Variants in PPM1B observed in about 807,000 individuals in gnomAD.
PPM1B encodes protein phosphatase 1B.
Under a neutral mutation model 43.0 loss-of-function variants are expected in PPM1B, and 22 were observed. That is an observed-to-expected ratio of 0.51 (90% CI 0.37 to 0.73). The LOEUF is 0.73. Among genes scored for constraint, PPM1B ranks in the 30% least tolerant of loss-of-function variants. The pLI is 0.00. For missense variants in PPM1B, 632 were observed against 584.2 expected, an observed-to-expected ratio of 1.08 and a Z score of -0.84; for synonymous variants, 217 against 197.9, an observed-to-expected ratio of 1.10 and a Z score of -0.81.
intron 3 of PPM1B, among the ~76,000 whole-genome samples, chr2:44,216,486 A>G (rs1031477620): frequency 4.6e-5 from 7 of 152,344 alleles, no homozygotes; most frequent in Non-Finnish European, 4.4e-5. Flanking sequence ...CTATGACCCA[A>G]TAAACATCGT....
chr2:44,169,593 C>G (rs1306092850), intron 1 of PPM1B, among the ~76,000 whole-genome samples: 1 of 152,276 alleles, frequency 6.6e-6, no homozygotes, highest in Non-Finnish European at 1.5e-5. Flanking sequence ...CTGCAAGCAT[C>G]TCTTTCACAC....
intron 2 of PPM1B, among the ~76,000 whole-genome samples, chr2:44,208,085 T>A (rs1158292110): frequency 6.6e-6 from 1 of 151,558 alleles, no homozygotes; most frequent in Non-Finnish European, 1.5e-5. Flanking sequence ...AGATGGGGTT[T>A]CACCATGTTA....
chr2:44,207,840 C>T (rs542507171), intron 2 of PPM1B, among the ~76,000 whole-genome samples: 10 of 150,314 alleles, frequency 6.7e-5, no homozygotes, highest in Admixed American at 6.0e-4. Context: ...ACCGAGGCCT[C>T]CCGAAGTGCT....
intron 1 of PPM1B, among the ~76,000 whole-genome samples, chr2:44,198,498 T>C (rs1449762455): frequency 1.3e-5 from 2 of 152,210 alleles, no homozygotes; most frequent in South Asian, 4.1e-4. Flanking sequence ...GATAATTGTT[T>C]GCTTTTTTGA....
At chr2:44,239,890 G>GTTTTTTTTTTTTTTT (rs1197511482) in intron 5 of PPM1B, among the ~76,000 whole-genome samples, 2 of 85,882 alleles carry the variant, frequency 2.3e-5, no homozygotes, top group Non-Finnish European at 2.6e-5. Context: ...TTTTGTTTTT[G>GTTTTTTTTTTTTTTT]TTTTTGTTTT....
chr2:44,197,304 A>T (rs1668709133), intron 1 of PPM1B, among the ~76,000 whole-genome samples: 1 of 152,062 alleles, frequency 6.6e-6, no homozygotes, highest in Admixed American at 6.6e-5. Flanking sequence ...TTTTTTGTAG[A>T]AATGGAGTCT....
intron 1 of PPM1B, among the ~76,000 whole-genome samples, chr2:44,195,154 A>C (rs1031989094): frequency 6.6e-6 from 1 of 151,420 alleles, no homozygotes; most frequent in African/African-American, 2.4e-5. Flanking sequence ...CGGCCTCCCA[A>C]AGTGCTGGGA....
chr2:44,195,780 T>C (rs150554478), intron 1 of PPM1B, among the ~76,000 whole-genome samples: 9 of 152,372 alleles, frequency 5.9e-5, no homozygotes, highest in African/African-American at 1.7e-4. Context: ...TTAGTGACTT[T>C]CTTGTAACCA....
chr2:44,203,134 T>C (rs1171795452), intron 2 of PPM1B, among the ~76,000 whole-genome samples: 1 of 152,168 alleles, frequency 6.6e-6, no homozygotes, highest in Non-Finnish European at 1.5e-5. Context: ...TTTGGTTAAA[T>C]ACCGATTTCT....
chr2:44,205,892 C>G (rs1207321200), intron 2 of PPM1B, among the ~76,000 whole-genome samples: 5 of 152,104 alleles, frequency 3.3e-5, no homozygotes, highest in Non-Finnish European at 7.4e-5. Flanking sequence ...GAAAATGTAA[C>G]CCCCTCAATA....
At chr2:44,178,016 C>A (rs2104007584) in intron 1 of PPM1B, among the ~76,000 whole-genome samples, 1 of 151,404 alleles carries the variant, frequency 6.6e-6, no homozygotes, top group South Asian at 2.1e-4. Flanking sequence ...CTCCCAGGCT[C>A]CAGTGATCCT....
downstream of PPM1B, chr2:44,234,347 T>C (rs765349140): frequency 3.5e-6 from 2 of 565,882 alleles, no homozygotes; most frequent in Non-Finnish European, 4.5e-6. Flanking sequence ...GGTGAAACCC[T>C]GCCTCTACTA....
chr2:44,234,029 C>T, downstream of PPM1B: 1 of 978,710 alleles, frequency 1.0e-6, no homozygotes, highest in Non-Finnish European at 1.2e-6. Context: ...ACATAACCAA[C>T]TTGTTACCTA....
Position 44,169,094 on chromosome 2 carries a change from C to T in PPM1B, c.-195C>T. 5.4e-6 allele frequency: 1 copy of T among 185,542 alleles called. No homozygotes were observed. The highest frequency in any genetic ancestry group is 1.1e-5 in the Non-Finnish European group (1 of 89,400). The allele number at this position is 185,542 out of a possible 1,614,324, so 11.5% of individuals were successfully genotyped here. ...CGGCGCTAGGGTGGAGAGAAGGCGG[C>T]ATCGGCGGCGGCGGCGGCGTGAGGG... is the stretch of plus-strand genomic sequence containing the variant. On this transcript the variant is annotated 5_prime_UTR_variant, in exon 1 of 6. Coordinates refer to ENST00000282412, the MANE Select transcript of PPM1B (RefSeq NM_002706.6).
intron 5 of PPM1B, among the ~76,000 whole-genome samples, chr2:44,224,281 C>A (rs1364418539): frequency 6.6e-6 from 1 of 151,996 alleles, no homozygotes; most frequent in African/African-American, 2.4e-5. Flanking sequence ...TGGTGATACC[C>A]TGCCTCTACT....
At chr2:44,184,593 C>T (rs1668035669) in intron 1 of PPM1B, among the ~76,000 whole-genome samples, 1 of 152,098 alleles carries the variant, frequency 6.6e-6, no homozygotes, top group African/African-American at 2.4e-5. Flanking sequence ...GATCCACCTT[C>T]CTGCAGTATC....
intron 3 of PPM1B, among the ~76,000 whole-genome samples, chr2:44,210,738 C>T (rs1414178161): frequency 6.6e-6 from 1 of 152,088 alleles, no homozygotes; most frequent in Non-Finnish European, 1.5e-5. Context: ...ATATTACTAA[C>T]CTTTTTCCTG....
intron 1 of PPM1B, among the ~76,000 whole-genome samples, chr2:44,183,769 C>T (rs1023135048): frequency 4.6e-5 from 7 of 152,098 alleles, no homozygotes; most frequent in African/African-American, 1.2e-4. Flanking sequence ...GACAGAGTCT[C>T]GCTCAGTCGC....
intron 1 of PPM1B, among the ~76,000 whole-genome samples, chr2:44,185,127 T>C (rs1484159257): frequency 6.6e-6 from 1 of 152,078 alleles, no homozygotes; most frequent in Admixed American, 6.6e-5. Context: ...TTGCCTGTTT[T>C]TACATTTCAT....
Sources: allele counts gnomAD v4.1 joint callset (sites outside exome capture counted in the v4.1 genomes callset), GRCh38; gene constraint gnomAD v4.1.1; transcripts MANE v1.5; gene names NCBI Gene and HGNC (gene_info 2026-07-23, HGNC 2026-07-21).